NKAIN3: variants seen among roughly 807,000 people sequenced by gnomAD.
NKAIN3 encodes sodium/potassium-transporting ATPase subunit beta-1-interacting protein 3.
In NKAIN3, 25 loss-of-function variants were observed where a neutral mutation model predicts 30.2. The ratio of observed to expected loss-of-function variants is 0.83; its 90% CI spans 0.60 to 1.16. The LOEUF (loss-of-function observed/expected upper bound fraction) is 1.16, where lower values mean the gene tolerates loss of function less well. NKAIN3 is among the 50% of genes most tolerant of loss of function. The probability of loss-of-function intolerance (pLI) is 0.00; values close to 1 mark genes in which losing one functional copy is unlikely to be tolerated. For synonymous variants in NKAIN3, 91 were observed against 89.6 expected (o/e 1.02, Z -0.09); for missense variants, 225 against 254.1 (o/e 0.89, Z 0.78).
intron 3 of NKAIN3, among the ~76,000 whole-genome samples, chr8:62,621,603 C>G (rs953873679): frequency 6.6e-6 from 1 of 151,874 alleles, no homozygotes; most frequent in South Asian, 2.1e-4. Flanking sequence ...ATTTGAAAAC[C>G]ATGTCTTAAT....
In NKAIN3 at chr8:62,604,387, G is replaced by A. The variant is rs972235950; in HGVS notation, c.273+14593G>A. Among the ~76,000 whole-genome samples the A allele has an allele frequency of 2.6e-5, 4 of 152,124 alleles. No individual in the cohort carries two copies. In the South Asian group the frequency reaches 8.3e-4, roughly 32 times the overall value. On this transcript the variant is annotated intron_variant, in intron 3 of 6. Coordinates refer to ENST00000623646, the MANE Select transcript of NKAIN3 (RefSeq NM_001304533.3). ...CAGGAAAAATACAGTACACAGCTGT[G>A]TGTGTAGTAATTGTCGGTGTGCTTG... is the stretch of plus-strand genomic sequence containing the variant.
chr8:62,541,763 T>A (rs995084828), intron 1 of NKAIN3, among the ~76,000 whole-genome samples: 4 of 152,184 alleles, frequency 2.6e-5, no homozygotes, highest in African/African-American at 9.6e-5. Flanking sequence ...CATAGCATTA[T>A]ATCTTTGCTT....
chr8:62,332,896 A>G (rs967363763), intron 1 of NKAIN3, among the ~76,000 whole-genome samples: 1 of 152,060 alleles, frequency 6.6e-6, no homozygotes, highest in Non-Finnish European at 1.5e-5. Flanking sequence ...GCATTTTGGC[A>G]TGGCCTGTAG....
chr8:62,569,822 C>A (rs1001411119), intron 1 of NKAIN3, among the ~76,000 whole-genome samples: 2 of 150,792 alleles, frequency 1.3e-5, no homozygotes, highest in Admixed American at 6.6e-5. Context: ...TTTGAAATGG[C>A]CTAGGAAATA....
intron 1 of NKAIN3, among the ~76,000 whole-genome samples, chr8:62,565,363 T>C (rs1017396152): frequency 8.6e-6 from 1 of 116,026 alleles, no homozygotes; most frequent in Non-Finnish European, 2.1e-5. Flanking sequence ...CATACGTGTG[T>C]GCGTGTGTGT....
rs1430086457 is a variant in NKAIN3 at position 62,868,941 on chromosome 8, GA to G, written c.472-49502del. ...TCACAGCAGAGACAGGAGAGAAGGGGAAAAAAAAAAGGATTAGATCTTTTCT... is the reference window on the plus strand; with the variant it reads ...TCACAGCAGAGACAGGAGAGAAGGGGAAAAAAAAAGGATTAGATCTTTTCT... On this transcript the variant is annotated intron_variant, in intron 4 of 6. Transcript: ENST00000623646. Among the ~76,000 whole-genome samples, 93 of 147,652 alleles carry G rather than the reference GA, an allele frequency of 6.3e-4. 1 individual carries two copies. The South Asian group carries it at 0.01, about 16-fold the overall frequency.
intron 1 of NKAIN3, among the ~76,000 whole-genome samples, chr8:62,320,494 T>C (rs1423366860): frequency 3.3e-5 from 5 of 152,154 alleles, no homozygotes; most frequent in African/African-American, 1.2e-4. Flanking sequence ...CCATGTTTAG[T>C]GCTTCCTTCA....
chr8:62,446,778 GT>G (rs1805498983), intron 1 of NKAIN3, among the ~76,000 whole-genome samples: 15 of 152,044 alleles, frequency 9.9e-5, no homozygotes, highest in Admixed American at 9.8e-4. Flanking sequence ...GTTGTAGAAT[GT>G]GTCAGAATTT....
intron 1 of NKAIN3, among the ~76,000 whole-genome samples, chr8:62,303,056 G>T (rs12544342): frequency 0.086 from 12,952 of 150,272 alleles, 842 homozygotes; most frequent in Non-Finnish European, 0.12. Context: ...CCTGGTCATT[G>T]TTGTGGACCC....
intron 1 of NKAIN3, among the ~76,000 whole-genome samples, chr8:62,565,646 G>A: frequency 6.6e-6 from 1 of 152,104 alleles, no homozygotes; most frequent in East Asian, 1.9e-4. Flanking sequence ...AAAAAGACTT[G>A]AAAGTGGATT....
At chr8:62,773,732 C>T (rs966031983) in intron 4 of NKAIN3, among the ~76,000 whole-genome samples, 3 of 152,064 alleles carry the variant, frequency 2.0e-5, no homozygotes, top group Non-Finnish European at 4.4e-5. Context: ...TAAGACATGC[C>T]TTTGCTCCTC....
At chr8:62,504,609 A>G (rs745980478) in intron 1 of NKAIN3, among the ~76,000 whole-genome samples, 24 of 152,052 alleles carry the variant, frequency 1.6e-4, no homozygotes, top group Non-Finnish European at 3.1e-4. Flanking sequence ...AATCAAATTG[A>G]TTTCTCTGTT....
chr8:62,855,958 G>C lies in NKAIN3; in HGVS notation c.472-62495G>C. On this transcript the variant is annotated intron_variant, in intron 4 of 6. Coordinates refer to ENST00000623646, the MANE Select transcript of NKAIN3 (RefSeq NM_001304533.3). Reference sequence around the variant, plus strand: ...TCCTTGTCCAGACACTTTATGTGCAGAGCACTAAACAGGGTTGAGCTCCCA... The same window carrying C: ...TCCTTGTCCAGACACTTTATGTGCACAGCACTAAACAGGGTTGAGCTCCCA... 1.5e-5 allele frequency: 11 copies of C among 720,468 alleles called. No homozygotes were observed. The South Asian group carries it at 1.7e-4, about 11-fold the overall frequency. 44.6% of individuals were successfully genotyped at this position (720,468 alleles called of 1,614,324 possible).
intron 6 of NKAIN3, among the ~76,000 whole-genome samples, chr8:62,956,517 A>G (rs1227909990): frequency 6.6e-6 from 1 of 152,192 alleles, no homozygotes; most frequent in African/African-American, 2.4e-5. Flanking sequence ...ACTGCTCATA[A>G]CCACAAAGTG....
intron 1 of NKAIN3, among the ~76,000 whole-genome samples, chr8:62,484,536 C>T (rs568070153): frequency 7.2e-5 from 11 of 152,316 alleles, no homozygotes; most frequent in African/African-American, 2.2e-4. Context: ...TGGTTTTGAG[C>T]ATCTGCTCAG....
intron 4 of NKAIN3, among the ~76,000 whole-genome samples, chr8:62,761,261 C>A (rs1816652770): frequency 6.6e-6 from 1 of 151,852 alleles, no homozygotes; most frequent in South Asian, 2.1e-4. Flanking sequence ...GTAATGACAG[C>A]ATGTGTTGTG....
chr8:62,675,238 G>C (rs919001616), intron 3 of NKAIN3, among the ~76,000 whole-genome samples: 1 of 152,168 alleles, frequency 6.6e-6, no homozygotes, highest in Non-Finnish European at 1.5e-5. Flanking sequence ...TTTTCCCACC[G>C]TAGCAAGACC....
intron 4 of NKAIN3, among the ~76,000 whole-genome samples, chr8:62,870,256 A>ATATCTATATATAGATATCTATAGATATC (rs1820573399): frequency 2.2e-5 from 1 of 45,600 alleles, no homozygotes; most frequent in Non-Finnish European, 4.5e-5. Flanking sequence ...ATATCTATAT[A>ATATCTATATATAGATATCTATAGATATC]TATATCTATA....
intron 4 of NKAIN3, among the ~76,000 whole-genome samples, chr8:62,827,755 T>C (rs997464249): frequency 6.6e-6 from 1 of 152,198 alleles, no homozygotes; most frequent in African/African-American, 2.4e-5. Context: ...TATCCACCAT[T>C]CAGCTTCAAC....
Sources: allele counts gnomAD v4.1 joint callset (sites outside exome capture counted in the v4.1 genomes callset), GRCh38; gene constraint gnomAD v4.1.1; transcripts MANE v1.5; gene names NCBI Gene and HGNC (gene_info 2026-07-23, HGNC 2026-07-21).